The following DIP2B variants were observed in gnomAD, a reference collection of about 807,000 sequenced individuals.
DIP2B encodes the protein DIP2 acetate--CoA ligase B (putative).
Under a neutral mutation model 198.0 loss-of-function variants are expected in DIP2B, and 76 were observed. The ratio of observed to expected loss-of-function variants is 0.38; its 90% CI spans 0.32 to 0.46. DIP2B has a LOEUF of 0.46. Among genes scored for constraint, DIP2B ranks in the 20% least tolerant of loss-of-function variants. DIP2B has a pLI of 0.99. For missense variants in DIP2B, 1,559 were observed against 1,978.4 expected (o/e 0.79, Z 4.02); for synonymous variants, 701 against 739.1 (o/e 0.95, Z 0.84).
chr12:50,658,812 G>A (rs1938596271), intron 3 of DIP2B, among the ~76,000 whole-genome samples: 1 of 152,174 alleles, frequency 6.6e-6, no homozygotes. Context: ...AAGCTGGCCG[G>A]GCGTGGTGGC....
intron 19 of DIP2B, 113 bp downstream of exon 19, chr12:50,699,315 C>T (rs973178461): frequency 1.4e-6 from 2 of 1,459,396 alleles, no homozygotes; most frequent in Non-Finnish European, 1.8e-6. Flanking sequence ...AGTGTGTACT[C>T]TGGAGCTAGA....
chr12:50,739,176 A>G (rs749717011), intron 35 of DIP2B, among the ~76,000 whole-genome samples: 2 of 152,190 alleles, frequency 1.3e-5, no homozygotes, highest in Non-Finnish European at 2.9e-5. Flanking sequence ...TTGTTTTTTC[A>G]TCCGTAAAAT....
chr12:50,710,514 C>T (rs1162041673), intron 22 of DIP2B, among the ~76,000 whole-genome samples: 4 of 151,980 alleles, frequency 2.6e-5, no homozygotes, highest in Admixed American at 2.6e-4. Flanking sequence ...ACCTCCGCCT[C>T]CTGGGTTCAA....
At chr12:50,694,504 AATACATACATACATACATAC>A (rs59419587) in intron 14 of DIP2B, among the ~76,000 whole-genome samples, 104 of 143,726 alleles carry the variant, frequency 7.2e-4, no homozygotes, top group East Asian at 2.3e-3. Context: ...CAGATAAATA[AATACATACATACATACATAC>A]ATACATACAT....
intron 1 of DIP2B, among the ~76,000 whole-genome samples, chr12:50,611,958 A>G (rs990151609): frequency 6.6e-6 from 1 of 151,958 alleles, no homozygotes; most frequent in African/African-American, 2.4e-5. Context: ...CAGGACTTTA[A>G]GAAGCCAAGG....
chr12:50,678,064 C>T (rs1938978330), intron 7 of DIP2B, among the ~76,000 whole-genome samples: 1 of 149,700 alleles, frequency 6.7e-6, no homozygotes, highest in Non-Finnish European at 1.5e-5. Context: ...AGGAAGAGTT[C>T]ACCAGGAGGC....
chr12:50,740,813 T>A (rs906484702), intron 36 of DIP2B, among the ~76,000 whole-genome samples: 1 of 152,166 alleles, frequency 6.6e-6, no homozygotes, highest in South Asian at 2.1e-4. Context: ...CTAGAAAAAA[T>A]GACACTTGTT....
intron 3 of DIP2B, among the ~76,000 whole-genome samples, chr12:50,642,597 C>G (rs1187934577): frequency 2.6e-5 from 4 of 152,110 alleles, no homozygotes; most frequent in Non-Finnish European, 5.9e-5. Context: ...ACCATCCTGG[C>G]TAACACAGTG....
intron 1 of DIP2B, among the ~76,000 whole-genome samples, chr12:50,531,960 A>AG (rs1471961121): frequency 1.3e-5 from 2 of 152,178 alleles, no homozygotes; most frequent in East Asian, 1.9e-4. Flanking sequence ...TTGTTGGTGG[A>AG]GGGGTAAGAG....
At chr12:50,628,178 C>T (rs1019532649) in intron 2 of DIP2B, among the ~76,000 whole-genome samples, 4 of 152,076 alleles carry the variant, frequency 2.6e-5, no homozygotes, top group Admixed American at 1.3e-4. Flanking sequence ...CAAGACCAGC[C>T]TGGCCAACAT....
chr12:50,627,387 G>T (rs746141800), intron 2 of DIP2B, among the ~76,000 whole-genome samples: 6 of 151,968 alleles, frequency 3.9e-5, no homozygotes, highest in Admixed American at 3.3e-4. Context: ...AGGCGGGAGC[G>T]CAGTGGTGCG....
intron 1 of DIP2B, among the ~76,000 whole-genome samples, chr12:50,507,241 C>T (rs138934549): frequency 3.9e-5 from 6 of 152,246 alleles, no homozygotes; most frequent in African/African-American, 9.6e-5. Flanking sequence ...ATATACTACA[C>T]TTCTTGTATT....
intron 23 of DIP2B, among the ~76,000 whole-genome samples, chr12:50,716,681 A>ATATTCAGTATAT (rs1399253547): frequency 1.3e-5 from 2 of 152,194 alleles, no homozygotes; most frequent in Admixed American, 1.3e-4. Flanking sequence ...TATATTCAGG[A>ATATTCAGTATAT]TCAACAGATT....
chr12:50,695,244 T>G, intron 14 of DIP2B, 23 bp from the exon 15 acceptor site: 2 of 1,598,396 alleles, frequency 1.3e-6, no homozygotes, highest in South Asian at 1.1e-5. Flanking sequence ...ATTGATTACT[T>G]TTCTTCTTTC....
chr12:50,587,756 G>A (rs1411414403), intron 1 of DIP2B, among the ~76,000 whole-genome samples: 1 of 152,110 alleles, frequency 6.6e-6, no homozygotes, highest in Non-Finnish European at 1.5e-5. Flanking sequence ...CCTGCATGTT[G>A]TCTGCCACTC....
intron 2 of DIP2B, among the ~76,000 whole-genome samples, chr12:50,630,793 T>C (rs1189200554): frequency 6.8e-6 from 1 of 146,162 alleles, no homozygotes; most frequent in Non-Finnish European, 1.5e-5. Context: ...TGCCTCAGCC[T>C]CCTGCGTAGC....
rs375482886 is a variant in DIP2B at position 50,718,822 on chromosome 12, A to G, written c.2961+4A>G. ...AGAGAATGATTTGGTGAGGAAGGTA[A>G]GTGTTCCTGAAGTGTTACCTTCTTA... On this transcript the variant is annotated splice_donor_region_variant and intron_variant, in intron 24 of 37. Coordinates refer to ENST00000301180, the MANE Select transcript of DIP2B (RefSeq NM_173602.3). The G allele has an allele frequency of 1.7e-5, 28 of 1,613,702 alleles. No individual in the cohort carries two copies. The highest frequency in any genetic ancestry group is 2.4e-5 in the Non-Finnish European group (28 of 1,179,760).
chr12:50,655,123 A>G (rs1204429528), intron 3 of DIP2B: 3 of 393,042 alleles, frequency 7.6e-6, no homozygotes, highest in Non-Finnish European at 1.5e-5. Context: ...AGAAACATCT[A>G]CATGCCCAGA....
chr12:50,695,711 A>G (rs1939298829), intron 15 of DIP2B, 137 bp from the exon 16 acceptor site: 2 of 1,239,652 alleles, frequency 1.6e-6, no homozygotes, highest in Non-Finnish European at 2.2e-6. Context: ...TATTGGCACA[A>G]TCTCTTTGAA....
Sources: allele counts gnomAD v4.1 joint callset (sites outside exome capture counted in the v4.1 genomes callset), GRCh38; gene constraint gnomAD v4.1.1; transcripts MANE v1.5; gene names NCBI Gene and HGNC (gene_info 2026-07-23, HGNC 2026-07-21).